Variants in ADD2 observed in about 807,000 individuals in gnomAD.
ADD2 encodes the protein beta-adducin.
A neutral mutation model predicts 83.0 loss-of-function variants in ADD2; 23 were observed. That is an observed-to-expected ratio of 0.28 (90% confidence interval 0.20 to 0.39). ADD2 has a LOEUF of 0.39. Among genes scored for constraint, ADD2 ranks in the 10% least tolerant of loss-of-function variants. The probability of loss-of-function intolerance (pLI) is 1.00; values close to 1 mark genes in which losing one functional copy is unlikely to be tolerated. For synonymous variants in ADD2, 375 were observed against 375.4 expected (o/e 1.00, Z 0.01); for missense variants, 758 against 944.9 (o/e 0.80, Z 2.59).
chr2:70,718,280 G>T (rs963873392), intron 1 of ADD2, among the ~76,000 whole-genome samples: 1 of 152,160 alleles, frequency 6.6e-6, no homozygotes, highest in South Asian at 2.1e-4. Context: ...TATTTGTCAA[G>T]TATCTGTTGG....
intron 1 of ADD2, among the ~76,000 whole-genome samples, chr2:70,726,536 T>C (rs1673011805): frequency 6.6e-6 from 1 of 152,224 alleles, no homozygotes; most frequent in African/African-American, 2.4e-5. Context: ...AAAGGTTTTA[T>C]GATCCCTGCC....
rs73939915 is a variant in ADD2, at chr2:70,706,983, T to G, written c.-34-541A>C. The stretch of plus-strand genomic sequence containing the variant: ...AACAAACCTGCACATCCTGCACACG[T>G]ATCACAGAACTAAAAAGAAAAAAAA... On this transcript the variant is annotated intron_variant, in intron 2 of 15. Coordinates refer to ENST00000264436, the MANE Select transcript of ADD2 (RefSeq NM_001617.4). The surrounding 1 kb of genome is among the most constrained non-coding windows in gnomAD (Gnocchi z 5.0). 3.3e-3 allele frequency among the ~76,000 whole-genome samples: 495 copies of G among 152,160 alleles called. 3 individuals are homozygous for G. Among genetic ancestry groups the G allele is most frequent in the African/African-American group, 0.011 (473 of 41,496 alleles).
chr2:70,716,150 G>T (rs1045551907), intron 1 of ADD2, among the ~76,000 whole-genome samples: 1 of 151,996 alleles, frequency 6.6e-6, no homozygotes, highest in Non-Finnish European at 1.5e-5. Context: ...AATGGGCTTT[G>T]TCAAACCAAA....
At chr2:70,665,573 C>T (rs894430312) in intron 15 of ADD2, among the ~76,000 whole-genome samples, 3 of 152,164 alleles carry the variant, frequency 2.0e-5, no homozygotes, top group Admixed American at 2.0e-4. Context: ...TCCTGCCATA[C>T]CAAGCTGCTG....
In ADD2 at chr2:70,767,870, C is replaced by T. The variant is rs1553386448; in HGVS notation, c.-154+16G>A. ...GACCCCAGGCAGCCCACCAGGCCCG[C>T]TCCCCAGACCCTTACCTCCTGCGCG... On this transcript the variant is annotated intron_variant, in intron 1 of 15. Coordinates refer to ENST00000264436, the MANE Select transcript of ADD2 (RefSeq NM_001617.4). 1.3e-6 allele frequency: 2 copies of T among 1,535,592 alleles called. No homozygotes were observed. The highest frequency in any genetic ancestry group is 1.7e-6 in the Non-Finnish European group (2 of 1,146,682).
chr2:70,691,462 C>T (rs1553371643), intron 7 of ADD2: 1 of 152,276 alleles, frequency 6.6e-6, no homozygotes, highest in Non-Finnish European at 1.5e-5. Context: ...ATAAAGGTCC[C>T]ACTTCAAAAG....
intron 1 of ADD2, among the ~76,000 whole-genome samples, chr2:70,740,087 TAAAC>T (rs1673806293): frequency 6.6e-6 from 1 of 151,746 alleles, no homozygotes. Flanking sequence ...CAGGAAAAAA[TAAAC>T]AAACTATGGC....
chr2:70,765,411 T>C (rs921893325), intron 1 of ADD2, among the ~76,000 whole-genome samples: 35 of 144,018 alleles, frequency 2.4e-4, no homozygotes, highest in African/African-American at 9.3e-4. Context: ...GTTCTGGCCA[T>C]ATAATGTTTT....
chr2:70,680,826 A>T (rs1670417560), intron 10 of ADD2, among the ~76,000 whole-genome samples: 1 of 152,190 alleles, frequency 6.6e-6, no homozygotes, highest in African/African-American at 2.4e-5. Context: ...ATATATTTGC[A>T]TAATTGTCCA....
At position 70,695,699 on chromosome 2, in the gene ADD2, AGTGATGCT is replaced by A; in HGVS notation, c.555+14_555+21del. Reference sequence around the variant, plus strand: ...GCTGTCATTTCAATAAGGAGTGGGCAGTGATGCTGGACTGTACTCACCAGGCTGGACGC... The same window carrying A: ...GCTGTCATTTCAATAAGGAGTGGGCAGGACTGTACTCACCAGGCTGGACGC... On this transcript the variant is annotated intron_variant, in intron 6 of 15. Coordinates refer to ENST00000264436, the MANE Select transcript of ADD2 (RefSeq NM_001617.4). The A allele has an allele frequency of 4.4e-6, 7 of 1,606,068 alleles. No individual in the cohort carries two copies. Among genetic ancestry groups the A allele is most frequent in the Non-Finnish European group, 6.0e-6 (7 of 1,172,666 alleles).
rs1553368460 is a variant in ADD2 at position 70,676,886 on chromosome 2, CTG to C, written c.1504-3_1504-2del. Reference sequence around the variant, plus strand: ...CATCTTGTCGGTTTTGTTCTCGAATCTGTGTGGAAAGGGGAGAGGAAGAGTGA... The same window carrying C: ...CATCTTGTCGGTTTTGTTCTCGAATCTGTGGAAAGGGGAGAGGAAGAGTGA... On this transcript the variant is annotated splice_acceptor_variant and splice_polypyrimidine_tract_variant and intron_variant, in intron 12 of 15. Transcript: ENST00000264436. LOFTEE classifies it high-confidence loss of function. This position sits in a 1 kb window ranked among gnomAD's most constrained non-coding sequence, Gnocchi z 4.8. 1 of 1,612,840 alleles carries C rather than the reference CTG, an allele frequency of 6.2e-7. No homozygotes were observed. The highest frequency in any genetic ancestry group is 1.1e-5 in the South Asian group (1 of 90,934).
chr2:70,716,143 G>A (rs1202452134), intron 1 of ADD2, among the ~76,000 whole-genome samples: 2 of 151,980 alleles, frequency 1.3e-5, no homozygotes, highest in Non-Finnish European at 1.5e-5. Context: ...AAATCCAAAT[G>A]GGCTTTGTCA....
chr2:70,689,401 G>C (rs1670912659), intron 8 of ADD2, among the ~76,000 whole-genome samples: 1 of 152,380 alleles, frequency 6.6e-6, no homozygotes, highest in Non-Finnish European at 1.5e-5. Flanking sequence ...CTGGGCTGAA[G>C]CCTGATGGCT....
rs75810831 is a variant in ADD2, at chr2:70,737,868, C to G, written c.-153-24684G>C. ...ACATTCACATGAGGCCAAAGGAGCA[C>G]AAGTCATGGGTAAAACACTACAGCC... is the stretch of plus-strand genomic sequence containing the variant. On this transcript the variant is annotated intron_variant, in intron 1 of 15. Transcript: ENST00000264436. 2.0e-3 allele frequency among the ~76,000 whole-genome samples: 299 copies of G among 152,260 alleles called. 1 individual carries two copies. Among genetic ancestry groups the G allele is most frequent in the African/African-American group, 6.3e-3 (263 of 41,544 alleles).
rs531363413 is a variant in ADD2, at chr2:70,683,513, C to A, written c.1125+78G>T. 3 of 1,458,734 alleles carry A rather than the reference C, an allele frequency of 2.1e-6. No homozygotes were observed. The East Asian group carries it at 7.2e-5, about 35-fold the overall frequency. The allele number at this position is 1,458,734 out of a possible 1,614,324, so 90.4% of individuals were successfully genotyped here. On this transcript the variant is annotated intron_variant, in intron 10 of 15. Transcript: ENST00000264436. ...TGATGCTGGCAATTCTTGTGCCCAC[C>A]TGATGCCTTGTACTTCCTGGTTCCA...
intron 13 of ADD2, chr2:70,675,045 G>T (rs575667073): frequency 7.6e-7 from 1 of 1,308,978 alleles, no homozygotes; most frequent in African/African-American, 1.5e-5. Context: ...TGAATATAGG[G>T]GGTCCACAGT....
intron 1 of ADD2, among the ~76,000 whole-genome samples, chr2:70,727,383 C>T (rs1553378489): frequency 6.6e-6 from 1 of 152,094 alleles, no homozygotes; most frequent in Non-Finnish European, 1.5e-5. Context: ...TCCCCAACGC[C>T]TAATTGCCTC....
chr2:70,760,042 C>G (rs1038097969), intron 1 of ADD2, among the ~76,000 whole-genome samples: 1 of 152,220 alleles, frequency 6.6e-6, no homozygotes, highest in Non-Finnish European at 1.5e-5. Flanking sequence ...GTGATATTGG[C>G]TGGCACCATC....
chr2:70,735,535 C>A (rs1182615146), intron 1 of ADD2, among the ~76,000 whole-genome samples: 2 of 152,008 alleles, frequency 1.3e-5, no homozygotes, highest in Admixed American at 1.3e-4. Flanking sequence ...GACCTCCACA[C>A]CCCTAAAATT....
Sources: gnomAD v4.1 joint callset for allele counts (sites outside exome capture counted in the v4.1 genomes callset) on GRCh38, gnomAD v4.1.1 for gene constraint, Gnocchi (gnomAD v3.1) non-coding constraint, MANE v1.5 for transcripts, NCBI Gene and HGNC (gene_info 2026-07-23, HGNC 2026-07-21) for gene names.